ZC3H6: variants seen among roughly 807,000 people sequenced by gnomAD.
The protein encoded by ZC3H6 is zinc finger CCCH-type containing 6, also known as zinc finger CCCH domain-containing protein 6.
In ZC3H6, 40 loss-of-function variants were observed where a neutral mutation model predicts 107.7. That is an observed-to-expected ratio of 0.37 (90% CI 0.29 to 0.48). The LOEUF (loss-of-function observed/expected upper bound fraction) is 0.48. Ranked by LOEUF, ZC3H6 falls within the 20% of genes least tolerant of loss-of-function variation. The probability of loss-of-function intolerance (pLI) is 0.98; values close to 1 mark genes in which losing one functional copy is unlikely to be tolerated. For synonymous variants in ZC3H6, 493 were observed against 487.9 expected (o/e 1.01, Z -0.14); for missense variants, 1,267 against 1,410.4 (o/e 0.90, Z 1.63).
At chr2:112,311,743 C>T (rs867981749) in intron 4 of ZC3H6, 61 bp from the exon 5 acceptor site, 9 of 1,453,234 alleles carry the variant, frequency 6.2e-6, no homozygotes, top group Middle Eastern at 1.8e-4. Context: ...TCCTTATAAA[C>T]TAATAAATTG....
rs925793602 is a variant in ZC3H6 at position 112,316,676 on chromosome 2, T to G, written c.864+90T>G. ...TTGGGGGATGGTTAATTTTTTTCTC[T>G]TCTCATATAGTTGTAATAAAACTGG... On this transcript the variant is annotated intron_variant, in intron 6 of 11. Coordinates refer to ENST00000409871, the MANE Select transcript of ZC3H6 (RefSeq NM_198581.3). The G allele has an allele frequency of 1.3e-5, 10 of 756,964 alleles. No individual in the cohort carries two copies. The African/African-American group carries it at 1.8e-4, about 14-fold the overall frequency. 46.9% of individuals were successfully genotyped at this position (756,964 alleles called of 1,614,324 possible). A position where few individuals can be genotyped will look rare whatever the true frequency, so the allele number is the denominator to read the frequency against.
intron 5 of ZC3H6, among the ~76,000 whole-genome samples, chr2:112,312,516 T>C (rs1676612090): frequency 6.6e-6 from 1 of 152,220 alleles, no homozygotes. Context: ...TGTGTTCTAC[T>C]ACTGTTCTAG....
rs1677182282 is a variant in ZC3H6 at position 112,338,802 on chromosome 2, T to A, written c.*6314T>A. On this transcript the variant is annotated 3_prime_UTR_variant, in exon 12 of 12. Transcript: ENST00000409871. ...CATATTCTCAAACCTCCATTACCAC[T>A]AATATCTTGGGGTTGTCAATGATAG... 6.9e-6 allele frequency: 1 copy of A among 145,888 alleles called. No individual in the cohort carries two copies. The allele number at this position is 145,888 out of a possible 1,614,324, so 9.0% of individuals were successfully genotyped here.
At chr2:112,294,868 C>T (rs562823140) in intron 1 of ZC3H6, among the ~76,000 whole-genome samples, 10 of 152,052 alleles carry the variant, frequency 6.6e-5, no homozygotes, top group South Asian at 4.2e-4. Flanking sequence ...TATGATTTTC[C>T]CCAGTTGTCT....
intron 5 of ZC3H6, among the ~76,000 whole-genome samples, chr2:112,316,104 G>T (rs1031623823): frequency 6.6e-6 from 1 of 152,064 alleles, no homozygotes; most frequent in African/African-American, 2.4e-5. Context: ...AGTACAAGTT[G>T]TATGTCAAAC....
At chr2:112,281,341 A>G (rs1222964095) in intron 1 of ZC3H6, among the ~76,000 whole-genome samples, 1 of 152,162 alleles carries the variant, frequency 6.6e-6, no homozygotes, top group Non-Finnish European at 1.5e-5. Flanking sequence ...ATTGAGGAAA[A>G]CACAAGGGAT....
At chr2:112,281,231 T>TA (rs1056315641) in intron 1 of ZC3H6, among the ~76,000 whole-genome samples, 6 of 152,240 alleles carry the variant, frequency 3.9e-5, no homozygotes, top group Admixed American at 3.9e-4. Flanking sequence ...AGAGCCCTGA[T>TA]ACAAGACAAC....
At chr2:112,282,542 C>CA (rs1686546225) in intron 1 of ZC3H6, among the ~76,000 whole-genome samples, 1 of 152,166 alleles carries the variant, frequency 6.6e-6, no homozygotes, top group South Asian at 2.1e-4. Flanking sequence ...GATGAGGAAA[C>CA]AGACAACAGA....
intron 11 of ZC3H6, among the ~76,000 whole-genome samples, chr2:112,328,052 G>A (rs1264294976): frequency 2.0e-5 from 3 of 152,126 alleles, no homozygotes; most frequent in African/African-American, 7.2e-5. Flanking sequence ...ACCATGCACA[G>A]ATAATTTTTT....
rs1676869780 is a variant in ZC3H6, at chr2:112,324,530, A to G, written c.1719A>G (p.Ser573=). The G allele has an allele frequency of 6.2e-7, 1 of 1,612,886 alleles. No homozygotes were observed. ...GAGAGAATCACTGTTCTCCAGGTTCATCATACCAGCAAAGTCCTGGTGAAA... is the reference window on the plus strand; with the variant it reads ...GAGAGAATCACTGTTCTCCAGGTTCGTCATACCAGCAAAGTCCTGGTGAAA... ...VPRENHCSPG[S]SYQQSPGEMQ... The change falls in exon 10 of 12, where the codon TCA becomes TCG. Residue 573 remains serine (S), a synonymous_variant. Coordinates refer to ENST00000409871, the MANE Select transcript of ZC3H6 (RefSeq NM_198581.3).
intron 3 of ZC3H6, among the ~76,000 whole-genome samples, chr2:112,307,034 T>C (rs995756019): frequency 2.6e-5 from 4 of 152,228 alleles, no homozygotes; most frequent in Non-Finnish European, 5.9e-5. Flanking sequence ...GAAAAATATT[T>C]TGTCTATCTT....
intron 1 of ZC3H6, among the ~76,000 whole-genome samples, chr2:112,285,589 C>T (rs1042090566): frequency 6.6e-6 from 1 of 151,984 alleles, no homozygotes; most frequent in African/African-American, 2.4e-5. Flanking sequence ...AACTCCCAAC[C>T]TCAAGGGATC....
intron 2 of ZC3H6, among the ~76,000 whole-genome samples, chr2:112,303,008 A>G (rs1676410684): frequency 6.6e-6 from 1 of 152,124 alleles, no homozygotes; most frequent in Non-Finnish European, 1.5e-5. Flanking sequence ...AAAATGTCAT[A>G]AAGTCTCTGA....
At chr2:112,295,721 A>G (rs569156094) in intron 1 of ZC3H6, among the ~76,000 whole-genome samples, 3 of 152,168 alleles carry the variant, frequency 2.0e-5, no homozygotes, top group Non-Finnish European at 4.4e-5. Flanking sequence ...ATCTGCTATT[A>G]TATGAATGCT....
intron 1 of ZC3H6, among the ~76,000 whole-genome samples, chr2:112,295,518 T>TA (rs1394545888): frequency 1.3e-5 from 2 of 152,194 alleles, no homozygotes; most frequent in East Asian, 3.8e-4. Context: ...ATTTTGGTGA[T>TA]AGAGCTGGAA....
chr2:112,329,291 G>T (rs1676975505), intron 11 of ZC3H6, among the ~76,000 whole-genome samples: 1 of 151,946 alleles, frequency 6.6e-6, no homozygotes, highest in Non-Finnish European at 1.5e-5. Flanking sequence ...TTTTAAGTAT[G>T]CTTTATAAAT....
chr2:112,335,447 T>TA lies in ZC3H6; in HGVS notation c.*2960dup, dbSNP rs1677122136. ...GAATTAATTAGAGGTAGGAAGGACT[T>TA]ACAAGGGCTGGAAGTTTAAAGAGAA... is the stretch of plus-strand genomic sequence containing the variant. On this transcript the variant is annotated 3_prime_UTR_variant, in exon 12 of 12. Coordinates refer to ENST00000409871, the MANE Select transcript of ZC3H6 (RefSeq NM_198581.3). 6.6e-6 allele frequency: 1 copy of TA among 152,132 alleles called. No homozygotes were observed. Among genetic ancestry groups the TA allele is most frequent in the Non-Finnish European group, 1.5e-5 (1 of 68,018 alleles). The allele number at this position is 152,132 out of a possible 1,614,324, so 9.4% of individuals were successfully genotyped here. A position where few individuals can be genotyped will look rare whatever the true frequency, so the allele number is the denominator to read the frequency against.
chr2:112,324,416 T>G lies in ZC3H6; in HGVS notation c.1605T>G (p.Leu535=). Residue 535 remains leucine (L), a synonymous_variant, in exon 10 of 12, where the codon CTT becomes CTG. Transcript: ENST00000409871. ...GTCCTCAAAATCAAGCTGGAGTGCT[T>G]GTTCAACCAGACACATCTTTGACAC... is the stretch of plus-strand genomic sequence containing the variant. ...IVGPQNQAGV[L]VQPDTSLTPP... 1.2e-6 allele frequency: 2 copies of G among 1,614,010 alleles called. No individual in the cohort carries two copies. The highest frequency in any genetic ancestry group is 1.7e-5 in the Admixed American group (1 of 60,024).
intron 1 of ZC3H6, among the ~76,000 whole-genome samples, chr2:112,289,159 C>A (rs576764905): frequency 6.1e-3 from 920 of 151,218 alleles, no homozygotes; most frequent in African/African-American, 0.021. Flanking sequence ...CAGATTCAAG[C>A]GATTTCTGGC....
Sources: gnomAD v4.1 joint callset for allele counts (sites outside exome capture counted in the v4.1 genomes callset) on GRCh38, gnomAD v4.1.1 for gene constraint, MANE v1.5 for transcripts, NCBI Gene and HGNC (gene_info 2026-07-23, HGNC 2026-07-21) for gene names.